RSPH14: variants seen among roughly 807,000 people sequenced by gnomAD.
The protein encoded by RSPH14 is rhabdoid tumor deletion region gene 1.
A neutral mutation model predicts 26.7 loss-of-function variants in RSPH14; 20 were observed. The observed-to-expected ratio is 0.75, with a 90% CI of 0.53 to 1.09. The LOEUF (loss-of-function observed/expected upper bound fraction) is 1.09, where lower values mean the gene tolerates loss of function less well. RSPH14 is among the 50% of genes least tolerant of loss of function. The probability of loss-of-function intolerance (pLI) is 0.00; values close to 1 mark genes in which losing one functional copy is unlikely to be tolerated. For synonymous variants in RSPH14, 177 were observed against 189.3 expected (o/e 0.93, Z 0.53); for missense variants, 449 against 457.2 (o/e 0.98, Z 0.16).
chr22:23,111,322 G>A (rs757227763), intron 4 of RSPH14, among the ~76,000 whole-genome samples: 8 of 152,182 alleles, frequency 5.3e-5, no homozygotes, highest in Non-Finnish European at 2.9e-5. Context: ...CAGGGGGTGC[G>A]GCCACAAATC....
intron 4 of RSPH14, among the ~76,000 whole-genome samples, chr22:23,100,865 G>T (rs6003505): frequency 0.017 from 2,658 of 152,316 alleles, 83 homozygotes; most frequent in African/African-American, 0.06. Flanking sequence ...GCAGTACCCT[G>T]AGGAGGGGCT....
At chr22:23,063,203 G>A (rs2068129104) in intron 5 of RSPH14, among the ~76,000 whole-genome samples, 1 of 152,122 alleles carries the variant, frequency 6.6e-6, no homozygotes, top group South Asian at 2.1e-4. Context: ...CCTCCCGGTG[G>A]CTTGGGTCCG....
Position 23,059,762 on chromosome 22 carries a change from C to A in RSPH14, c.791-44G>T, listed in dbSNP as rs779301898. On this transcript the variant is annotated intron_variant, in intron 6 of 6. Transcript: ENST00000216036. The stretch of plus-strand genomic sequence containing the variant: ...AGGCGTTCCAAACAGCCCAAGGGGC[C>A]CTCTTCTCACCCCCTCTCACCCTAG... The A allele has an allele frequency of 3.4e-6, 5 of 1,489,900 alleles. No individual in the cohort carries two copies. The East Asian group carries it at 9.1e-5, about 27-fold the overall frequency. The allele number at this position is 1,489,900 out of a possible 1,614,324, so 92.3% of individuals were successfully genotyped here.
At chr22:23,152,589 T>C in the RSPH14 span, 1 of 1,501,068 alleles carries the variant, frequency 6.7e-7, no homozygotes, top group South Asian at 1.1e-5. Flanking sequence ...TACCTTTGCC[T>C]GGGTGGCCCA....
the RSPH14 span, among the ~76,000 whole-genome samples, chr22:23,173,062 C>A: frequency 6.6e-6 from 1 of 151,946 alleles, no homozygotes. Context: ...TTTTCCATGG[C>A]TTGTCAGCTC....
rs564552272 is a variant in RSPH14, at chr22:23,123,608, G to A, written c.421+10418C>T. 5.0e-6 allele frequency: 3 copies of A among 599,714 alleles called. No individual in the cohort carries two copies. The East Asian group carries it at 8.3e-5, about 17-fold the overall frequency. The allele number at this position is 599,714 out of a possible 1,614,324, so 37.1% of individuals were successfully genotyped here. On this transcript the variant is annotated intron_variant, in intron 4 of 6. Transcript: ENST00000216036. ...CTGCAAACATAAATATTTACGGATA[G>A]ATTGCTAGGTAGATAGACACACACA... is the stretch of plus-strand genomic sequence containing the variant.
At chr22:23,101,722 G>A (rs2078729) in intron 4 of RSPH14, among the ~76,000 whole-genome samples, 8,274 of 152,296 alleles carry the variant, frequency 0.054, 270 homozygotes, top group Middle Eastern at 0.092. Flanking sequence ...CATGACCCTG[G>A]AACAGCAGAG....
chr22:23,061,765 G>A, intron 6 of RSPH14, 44 bp downstream of exon 6: 2 of 1,610,012 alleles, frequency 1.2e-6, no homozygotes, highest in Middle Eastern at 1.7e-4. Context: ...ACGGCTGCTA[G>A]CCTGCTAGGG....
intron 4 of RSPH14, among the ~76,000 whole-genome samples, chr22:23,072,639 A>G (rs928329649): frequency 1.3e-5 from 2 of 152,216 alleles, no homozygotes; most frequent in Non-Finnish European, 2.9e-5. Context: ...TGCAGCGAGA[A>G]CAGGGCCTGC....
chr22:23,145,085 C>T (rs1322648166), upstream of RSPH14: 1 of 505,874 alleles, frequency 2.0e-6, no homozygotes, highest in Non-Finnish European at 3.6e-6. Context: ...TCTGCAGCTG[C>T]AGGGTGCTTG....
At chr22:23,072,295 G>A (rs1305761107) in intron 4 of RSPH14, among the ~76,000 whole-genome samples, 1 of 152,124 alleles carries the variant, frequency 6.6e-6, no homozygotes, top group African/African-American at 2.4e-5. Flanking sequence ...ATCCATCTAC[G>A]GGGTGCAGTG....
At chr22:23,171,849 AAAAAAC>A in the RSPH14 span, among the ~76,000 whole-genome samples, 5 of 140,996 alleles carry the variant, frequency 3.5e-5, no homozygotes, top group African/African-American at 1.1e-4. Flanking sequence ...TCTCAAAAAA[AAAAAAC>A]AAAAAAAAAA....
Position 23,140,212 on chromosome 22 carries a change from T to C in RSPH14, c.199+10A>G, listed in dbSNP as rs1206194896. 3 of 1,612,772 alleles carry C rather than the reference T, an allele frequency of 1.9e-6. No individual in the cohort carries two copies. Among genetic ancestry groups the C allele is most frequent in the Non-Finnish European group, 2.5e-6 (3 of 1,180,016 alleles). The stretch of plus-strand genomic sequence containing the variant: ...CCCAGTCATGGTCACCTGTGCTGTG[T>C]CACGCTCACCTATGTTCATGGCCTT... On this transcript the variant is annotated intron_variant, in intron 2 of 6. Transcript: ENST00000216036.
the RSPH14 span, among the ~76,000 whole-genome samples, chr22:23,178,495 C>G: frequency 1.3e-5 from 2 of 151,902 alleles, no homozygotes; most frequent in Non-Finnish European, 2.9e-5. Context: ...CCTTTAGTGG[C>G]CAGGGCATCA....
the RSPH14 span, chr22:23,153,199 G>A: frequency 8.9e-6 from 11 of 1,237,898 alleles, no homozygotes; most frequent in African/African-American, 1.5e-5. Context: ...AAGGATTTGG[G>A]GAGCTCCTTC....
chr22:23,171,340 A>T, the RSPH14 span, among the ~76,000 whole-genome samples: 1 of 152,110 alleles, frequency 6.6e-6, no homozygotes, highest in African/African-American at 2.4e-5. Context: ...CCAGGAAGTC[A>T]TCATACTGAT....
intron 4 of RSPH14, among the ~76,000 whole-genome samples, chr22:23,093,438 G>A (rs977764004): frequency 6.6e-6 from 1 of 152,188 alleles, no homozygotes; most frequent in East Asian, 1.9e-4. Context: ...AGGCCAGGAC[G>A]GGCCCTCCTC....
In RSPH14 at chr22:23,119,614, C is replaced by T. The variant is rs2069952270; in HGVS notation, c.421+14412G>A. ...TCTATAAAGATTACAGGATGGGCAC[C>T]CACCATCTCCTAAGCTTCACCTCCT... On this transcript the variant is annotated intron_variant, in intron 4 of 6. Coordinates refer to ENST00000216036, the MANE Select transcript of RSPH14 (RefSeq NM_014433.3). 2.0e-5 allele frequency among the ~76,000 whole-genome samples: 3 copies of T among 152,256 alleles called. No homozygotes were observed. In the South Asian group the frequency reaches 6.2e-4, roughly 31 times the overall value.
chr22:23,065,074 G>A (rs571879232), intron 4 of RSPH14, among the ~76,000 whole-genome samples: 2 of 152,274 alleles, frequency 1.3e-5, no homozygotes, highest in South Asian at 4.1e-4. Flanking sequence ...CCAGGGAGGT[G>A]GCCACCAGAA....
Sources: allele counts gnomAD v4.1 joint callset (sites outside exome capture counted in the v4.1 genomes callset), GRCh38; gene constraint gnomAD v4.1.1; transcripts MANE v1.5; gene names NCBI Gene and HGNC (gene_info 2026-07-23, HGNC 2026-07-21).